The following OPHN1 variants were observed in gnomAD, a reference collection of about 807,000 sequenced individuals.
OPHN1 encodes the protein oligophrenin-1.
A neutral mutation model predicts 60.7 loss-of-function variants in OPHN1; 11 were observed. That is an observed-to-expected ratio of 0.18 (90% CI 0.11 to 0.30). OPHN1 has a LOEUF of 0.30. Among genes scored for constraint, OPHN1 ranks in the 10% least tolerant of loss-of-function variants. The pLI, the probability that OPHN1 is intolerant of heterozygous loss-of-function variation, is 1.00. For missense variants in OPHN1, 449 were observed against 611.0 expected (o/e 0.73, Z 2.80); for synonymous variants, 226 against 222.6 (o/e 1.02, Z -0.14).
chrX:68,134,364 G>C (rs1443742535), intron 15 of OPHN1, among the ~76,000 whole-genome samples: 1 of 111,280 alleles, frequency 9.0e-6, no homozygotes, highest in Admixed American at 9.5e-5. Flanking sequence ...CATTAGCTGT[G>C]ATTATGATAA....
intron 2 of OPHN1, among the ~76,000 whole-genome samples, chrX:68,335,169 TA>T (rs760249906): frequency 0.34 from 32,382 of 94,159 alleles, 7,619 homozygotes; most frequent in African/African-American, 0.81. Flanking sequence ...TTCCTCTCCT[TA>T]AAAAAAAAAA....
chrX:68,213,954 T>C lies in OPHN1; in HGVS notation c.505A>G (p.Lys169Glu). 1 of 1,178,487 alleles carries C rather than the reference T, an allele frequency of 8.5e-7. No individual in the cohort carries two copies. The highest frequency in any genetic ancestry group is 3.0e-5 in the East Asian group (1 of 33,706). Residue 169 changes from lysine to glutamate, a missense_variant, in exon 7 of 25, where the codon AAG (lysine) becomes GAG (glutamate). Around this residue, in one of 4 missense-constraint regions of OPHN1, gnomAD observed 99 missense variants for 155.2 expected, o/e 0.64. Transcript: ENST00000355520. ...GACTCGAAAAAATTGTGCCTCTCCTTGTCCACCTGTAGGTCTGCCTGTAGA... is the reference window on the plus strand; with the variant it reads ...GACTCGAAAAAATTGTGCCTCTCCTCGTCCACCTGTAGGTCTGCCTGTAGA... Reference protein sequence around the residue: ...QLQEADLQVDKERHNFFESSL... With the variant: ...QLQEADLQVDEERHNFFESSL...
At chrX:68,277,048 C>T (rs1412660380) in intron 4 of OPHN1, among the ~76,000 whole-genome samples, 1 of 111,536 alleles carries the variant, frequency 9.0e-6, no homozygotes, top group Non-Finnish European at 1.9e-5. Flanking sequence ...ATGCCTAACC[C>T]AAAAAATAAT....
intron 2 of OPHN1, among the ~76,000 whole-genome samples, chrX:68,422,359 C>T (rs73634120): frequency 0.043 from 4,646 of 107,893 alleles, 284 homozygotes; most frequent in African/African-American, 0.15. Flanking sequence ...CCCATCGCTA[C>T]AAAAAATTTA....
intron 2 of OPHN1, among the ~76,000 whole-genome samples, chrX:68,311,262 C>T (rs780399392): frequency 5.5e-4 from 61 of 111,068 alleles, no homozygotes; most frequent in Non-Finnish European, 1.1e-3. Context: ...GGCAACAGAG[C>T]AAGACCCTGT....
At chrX:68,095,863 G>A (rs149624187) in intron 19 of OPHN1, among the ~76,000 whole-genome samples, 1,321 of 111,490 alleles carry the variant, frequency 0.012, 9 homozygotes, top group Non-Finnish European at 0.02. Context: ...CTCATTCTGG[G>A]CATCATTTTC....
chrX:68,218,523 C>T (rs2077630492), intron 6 of OPHN1, among the ~76,000 whole-genome samples: 1 of 109,597 alleles, frequency 9.1e-6, no homozygotes, highest in Non-Finnish European at 1.9e-5. Context: ...TAAGGGCAAC[C>T]AGAGAGAAAG....
chrX:68,205,288 A>C (rs2077552983), intron 10 of OPHN1, among the ~76,000 whole-genome samples: 2 of 110,333 alleles, frequency 1.8e-5, no homozygotes, highest in Admixed American at 1.9e-4. Flanking sequence ...TCTCTACTAA[A>C]AATACAAAAA....
chrX:68,114,869 G>A (rs1337909577), intron 16 of OPHN1, among the ~76,000 whole-genome samples: 1 of 111,776 alleles, frequency 8.9e-6, no homozygotes, highest in Non-Finnish European at 1.9e-5. Context: ...TGGTTTGGGT[G>A]AGTGAATAGA....
intron 6 of OPHN1, among the ~76,000 whole-genome samples, chrX:68,223,018 G>A (rs1480390619): frequency 4.5e-5 from 5 of 111,173 alleles, no homozygotes; most frequent in Non-Finnish European, 9.4e-5. Flanking sequence ...ACTCAGAAAG[G>A]CCATTATTAA....
chrX:68,404,531 A>G (rs2078731855), intron 2 of OPHN1, among the ~76,000 whole-genome samples: 1 of 111,654 alleles, frequency 9.0e-6, no homozygotes, highest in Non-Finnish European at 1.9e-5. Context: ...AATTCAAAGC[A>G]GGATCTCAAA....
At chrX:68,219,408 C>T (rs190664719) in intron 6 of OPHN1, among the ~76,000 whole-genome samples, 4 of 103,185 alleles carry the variant, frequency 3.9e-5, no homozygotes, top group African/African-American at 1.4e-4. Context: ...AGGAATTGAA[C>T]TCAGCTCTGT....
At chrX:68,301,519 C>T (rs1002589440) in intron 2 of OPHN1, among the ~76,000 whole-genome samples, 1 of 107,405 alleles carries the variant, frequency 9.3e-6, no homozygotes, top group African/African-American at 3.4e-5. Flanking sequence ...AGTTCCCATA[C>T]ATTTGTCCCT....
intron 21 of OPHN1, among the ~76,000 whole-genome samples, chrX:68,057,748 G>T (rs1036165278): frequency 8.9e-6 from 1 of 111,795 alleles, no homozygotes; most frequent in African/African-American, 3.3e-5. Flanking sequence ...TGCCTCTAAT[G>T]TGTCTCAGTC....
intron 7 of OPHN1, among the ~76,000 whole-genome samples, 189 bp from the exon 8 acceptor site, chrX:68,212,401 A>G (rs1197001894): frequency 9.0e-6 from 1 of 111,336 alleles, no homozygotes; most frequent in Admixed American, 9.6e-5. Flanking sequence ...CCTGACCAAC[A>G]TGGTGAAATC....
intron 15 of OPHN1, among the ~76,000 whole-genome samples, chrX:68,140,546 G>A (rs1352111307): frequency 9.1e-6 from 1 of 109,833 alleles, no homozygotes; most frequent in Non-Finnish European, 1.9e-5. Context: ...AGAATGGCTG[G>A]GCTCCTGGCT....
chrX:68,393,740 C>T (rs2078665612), intron 2 of OPHN1, among the ~76,000 whole-genome samples: 1 of 109,662 alleles, frequency 9.1e-6, no homozygotes, highest in South Asian at 3.9e-4. Flanking sequence ...TTTTTACATA[C>T]TCCCTTTTTT....
At chrX:68,103,474 A>G (rs749850617) in intron 18 of OPHN1, among the ~76,000 whole-genome samples, 1 of 111,186 alleles carries the variant, frequency 9.0e-6, no homozygotes, top group African/African-American at 3.3e-5. Flanking sequence ...CCACAAGACA[A>G]GCATGCCCTC....
At chrX:68,084,507 A>G (rs960762001) in intron 19 of OPHN1, among the ~76,000 whole-genome samples, 3 of 110,401 alleles carry the variant, frequency 2.7e-5, no homozygotes, top group African/African-American at 9.9e-5. Flanking sequence ...GTTACATGCT[A>G]TGCAAATCAG....
Sources: gnomAD v4.1 joint callset for allele counts (sites outside exome capture counted in the v4.1 genomes callset) on GRCh38, gnomAD v4.1.1 for gene constraint, gnomAD v4.1.1 regional missense constraint, MANE v1.5 for transcripts, NCBI Gene and HGNC (gene_info 2026-07-23, HGNC 2026-07-21) for gene names.